Variants in ZNF717 observed in about 807,000 individuals in gnomAD.
ZNF717 encodes the protein zinc finger protein 717, also known as krueppel-like factor X17.
A neutral mutation model predicts 13.8 loss-of-function variants in ZNF717; 9 were observed. The observed-to-expected ratio is 0.65, with a 90% CI of 0.39 to 1.14. ZNF717 has a LOEUF of 1.14. Among genes scored for constraint, ZNF717 ranks in the 50% most tolerant of loss-of-function variants. The probability of loss-of-function intolerance (pLI) is 0.01; values close to 1 mark genes in which losing one functional copy is unlikely to be tolerated. For missense variants in ZNF717, 1,040 were observed against 1,080.7 expected (o/e 0.96, Z 0.53); for synonymous variants, 327 against 364.1 (o/e 0.90, Z 1.16).
intron 5 of ZNF717, among the ~76,000 whole-genome samples, chr3:75,713,281 G>A (rs1937982196): frequency 6.6e-6 from 1 of 152,042 alleles, no homozygotes; most frequent in Non-Finnish European, 1.5e-5. Context: ...CTCCCCAGTA[G>A]CTGGGACTAC....
intron 2 of ZNF717, among the ~76,000 whole-genome samples, chr3:75,769,121 C>A (rs181760944): frequency 1.8e-3 from 274 of 152,310 alleles, no homozygotes; most frequent in African/African-American, 5.9e-3. Flanking sequence ...CACCTTCCCC[C>A]CTTGAATCGT....
chr3:75,782,733 A>T (rs2107760096), intron 2 of ZNF717, among the ~76,000 whole-genome samples: 1 of 151,606 alleles, frequency 6.6e-6, no homozygotes, highest in South Asian at 2.1e-4. Context: ...GACCATTTCC[A>T]CTGCACAACA....
chr3:75,738,716 T>C lies in ZNF717; in HGVS notation c.907A>G (p.Lys303Glu). 6.4e-7 allele frequency: 1 copy of C among 1,551,862 alleles called. No homozygotes were observed. The highest frequency in any genetic ancestry group is 8.7e-7 in the Non-Finnish European group (1 of 1,147,130). ...ISKSDLMLQC[K>E]MPTEEKPYAC... The stretch of plus-strand genomic sequence containing the variant: ...TAAGGTTTTTCCTCAGTAGGCATCT[T>C]GCACTGTAGCATAAGGTCTGATTTG... The change falls in exon 5 of 5, where the codon AAG (lysine) becomes GAG (glutamate). Residue 303 changes from lysine to glutamate, a missense_variant. Around this residue, in one of 3 missense-constraint regions of ZNF717, gnomAD observed 873 missense variants for 832.8 expected, o/e 1.05. Transcript: ENST00000652011.
downstream of ZNF717, among the ~76,000 whole-genome samples, chr3:75,733,930 A>G (rs1358588976): frequency 6.6e-6 from 1 of 151,870 alleles, no homozygotes. Flanking sequence ...TCAAAAGTAA[A>G]TGAGAAATAA....
intron 2 of ZNF717, among the ~76,000 whole-genome samples, chr3:75,742,460 T>G (rs1257605841): frequency 6.6e-6 from 1 of 152,172 alleles, no homozygotes; most frequent in Admixed American, 6.5e-5. Context: ...CAGACTAAGA[T>G]AAGAGAAGGA....
chr3:75,765,003 A>ATATATG (rs1943334554), intron 2 of ZNF717, among the ~76,000 whole-genome samples: 1 of 24,050 alleles, frequency 4.2e-5, no homozygotes, highest in South Asian at 6.2e-4. Context: ...ATATATATAT[A>ATATATG]TATATATATA....
chr3:75,761,329 A>G (rs1250319955), intron 2 of ZNF717, among the ~76,000 whole-genome samples: 1 of 152,262 alleles, frequency 6.6e-6, no homozygotes, highest in East Asian at 1.9e-4. Flanking sequence ...CGGGATGAAC[A>G]CCTTTCATAA....
downstream of ZNF717, among the ~76,000 whole-genome samples, chr3:75,707,433 T>A (rs1184482544): frequency 2.0e-5 from 3 of 152,296 alleles, no homozygotes. Context: ...TCCCAGGGGA[T>A]GCAAGCTAGT....
At position 75,737,570 on chromosome 3, in the gene ZNF717, C is replaced by T. The variant is rs763506259; in HGVS notation, c.2053G>A (p.Val685Ile). The T allele has an allele frequency of 1.3e-6, 2 of 1,544,980 alleles. No homozygotes were observed. The highest frequency in any genetic ancestry group is 8.8e-7 in the Non-Finnish European group (1 of 1,142,520). ...MDVMNVEKLFVRNHTLLYIRE... is the reference protein window; with the variant it reads ...MDVMNVEKLFIRNHTLLYIRE... The stretch of plus-strand genomic sequence containing the variant: ...ATGTATAATAAGGTATGATTTCTGA[C>T]AAAAAGTTTTTCCACATTCATTACA... Residue 685 changes from valine (V) to isoleucine (I), a missense_variant, in exon 5 of 5, where the codon GTC (valine) becomes ATC (isoleucine). Transcript: ENST00000652011.
At position 75,737,689 on chromosome 3, in the gene ZNF717, T is replaced by G; in HGVS notation, c.1934A>C (p.Lys645Thr). ...STHQGTHTGE[K>T]PYVCNECGKT... ...TCCACATTCATTACATACGTAAGGT[T>G]TCTCTCCTGTGTGAGTTCCCTGATG... Residue 645 changes from lysine to threonine, a missense_variant, in exon 5 of 5, where the codon AAA becomes ACA. Transcript: ENST00000652011. The G allele has an allele frequency of 6.5e-7, 1 of 1,545,790 alleles. No individual in the cohort carries two copies. The highest frequency in any genetic ancestry group is 8.7e-7 in the Non-Finnish European group (1 of 1,142,948).
intron 2 of ZNF717, among the ~76,000 whole-genome samples, chr3:75,777,741 T>C (rs1243189134): frequency 1.3e-5 from 2 of 148,720 alleles, no homozygotes; most frequent in African/African-American, 5.0e-5. Context: ...CCCAAAACAA[T>C]GGGAGTGACG....
intron 5 of ZNF717, among the ~76,000 whole-genome samples, chr3:75,712,319 T>C (rs1216041238): frequency 4.2e-4 from 64 of 152,270 alleles, no homozygotes; most frequent in Non-Finnish European, 6.8e-4. Flanking sequence ...TCAAAACCTC[T>C]TGCAACTTTA....
At chr3:75,726,058 AG>A (rs1376980597), downstream of ZNF717, among the ~76,000 whole-genome samples, 2 of 152,248 alleles carry the variant, frequency 1.3e-5, no homozygotes, top group African/African-American at 4.8e-5. Flanking sequence ...AGACTCAGTA[AG>A]ATAGCTACTC....
At chr3:75,708,094 A>G (rs575511391), downstream of ZNF717, among the ~76,000 whole-genome samples, 2 of 152,348 alleles carry the variant, frequency 1.3e-5, no homozygotes, top group South Asian at 4.1e-4. Flanking sequence ...ACAGCTTTGA[A>G]GAGAGCAGTG....
chr3:75,780,638 G>T (rs1453774978), intron 2 of ZNF717, among the ~76,000 whole-genome samples: 1 of 152,362 alleles, frequency 6.6e-6, no homozygotes, highest in East Asian at 1.9e-4. Flanking sequence ...CTGACCTTGT[G>T]ATCCACCCAC....
At chr3:75,714,768 T>C (rs1444510139) in intron 5 of ZNF717, among the ~76,000 whole-genome samples, 6 of 152,222 alleles carry the variant, frequency 3.9e-5, no homozygotes, top group Non-Finnish European at 7.3e-5. Flanking sequence ...TTATCACAGA[T>C]TTAATTAAGT....
chr3:75,768,086 A>G (rs1943619943), intron 2 of ZNF717, among the ~76,000 whole-genome samples: 1 of 152,192 alleles, frequency 6.6e-6, no homozygotes, highest in East Asian at 1.9e-4. Context: ...AGGGACCAGG[A>G]CTGGGCACTA....
intron 2 of ZNF717, among the ~76,000 whole-genome samples, chr3:75,744,969 G>A (rs1342401866): frequency 6.6e-6 from 1 of 152,128 alleles, no homozygotes; most frequent in Non-Finnish European, 1.5e-5. Context: ...CACTTCTGAG[G>A]TTCACAGTAT....
At chr3:75,745,170 T>G (rs1372796426) in intron 2 of ZNF717, among the ~76,000 whole-genome samples, 19 of 151,966 alleles carry the variant, frequency 1.3e-4, no homozygotes, top group Middle Eastern at 3.4e-3. Flanking sequence ...TTTTTTTTCT[T>G]TCTGTCTTTT....
Sources: allele counts gnomAD v4.1 joint callset (sites outside exome capture counted in the v4.1 genomes callset), GRCh38; gene constraint gnomAD v4.1.1; regional missense constraint gnomAD v4.1.1; transcripts MANE v1.5; gene names NCBI Gene and HGNC (gene_info 2026-07-23, HGNC 2026-07-21).